Variants in CHRDL2 observed in about 807,000 individuals in gnomAD.
CHRDL2 encodes chordin like 2.
CHRDL2 carries 41 observed loss-of-function variants against 54.3 expected under a neutral mutation model. The observed-to-expected ratio is 0.76, with a 90% CI of 0.59 to 0.98. The LOEUF is 0.98. Among genes scored for constraint, CHRDL2 ranks in the 50% least tolerant of loss-of-function variants. The pLI is 0.00. For missense variants in CHRDL2, 518 were observed against 562.4 expected (o/e 0.92, Z 0.80); for synonymous variants, 220 against 224.3 (o/e 0.98, Z 0.17).
chr11:74,703,383 G>T lies in CHRDL2; in HGVS notation c.868C>A (p.Gln290Lys), dbSNP rs761821968. 3.7e-6 allele frequency: 6 copies of T among 1,613,664 alleles called. No individual in the cohort carries two copies. Among genetic ancestry groups the T allele is most frequent in the Non-Finnish European group, 5.1e-6 (6 of 1,179,932 alleles). The change falls in exon 8 of 11, where the codon CAG (glutamine) becomes AAG (lysine). Residue 290 changes from glutamine (Q) to lysine (K), a missense_variant. By Grantham distance (53) the Gln-to-Lys change is moderately conservative (BLOSUM62 1). Transcript: ENST00000376332. The stretch of plus-strand genomic sequence containing the variant: ...TACTCGGTGGGACAGGTCACACGCT[G>T]GCAGTCCTGGCGGCCATCCTCACAG... The part of the protein sequence containing the change: ...CTCEDGRQDC[Q>K]RVTCPTEYPC...
At chr11:74,705,276 G>C (rs1389153716) in intron 6 of CHRDL2, among the ~76,000 whole-genome samples, 1 of 152,206 alleles carries the variant, frequency 6.6e-6, no homozygotes, top group Non-Finnish European at 1.5e-5. Flanking sequence ...CAATAGGAGT[G>C]TGGCGAGGAC....
At chr11:74,700,622 TTTATTATTA>T (rs1554984202) in intron 9 of CHRDL2, among the ~76,000 whole-genome samples, 1 of 140,340 alleles carries the variant, frequency 7.1e-6, no homozygotes, top group East Asian at 2.0e-4. Flanking sequence ...GAATCTTTTT[TTTATTATTA>T]TTATTATTAT....
chr11:74,713,384 A>AC lies in CHRDL2; in HGVS notation c.289+1dup, dbSNP rs747596819. 1 of 1,613,058 alleles carries AC rather than the reference A, an allele frequency of 6.2e-7. No individual in the cohort carries two copies. Among genetic ancestry groups the AC allele is most frequent in the South Asian group, 1.1e-5 (1 of 91,018 alleles). Reference sequence around the variant, plus strand: ...ACGATGGGGAGGAGCATGGCTACTTACCCACACACTTGGGACAGCATTGCT... The same window carrying AC: ...ACGATGGGGAGGAGCATGGCTACTTACCCCACACACTTGGGACAGCATTGCT... On this transcript the variant is annotated splice_donor_variant, in intron 3 of 10. Coordinates refer to ENST00000376332, the MANE Select transcript of CHRDL2 (RefSeq NM_001278473.3). LOFTEE classifies it high-confidence loss of function.
intron 6 of CHRDL2, 34 bp downstream of exon 6, chr11:74,706,453 G>T: frequency 6.2e-7 from 1 of 1,604,902 alleles, no homozygotes; most frequent in Non-Finnish European, 8.5e-7. Context: ...CCAGCCCCCT[G>T]TCCCGCACCC....
At chr11:74,730,387 A>G (rs2034633241) in intron 1 of CHRDL2, among the ~76,000 whole-genome samples, 1 of 152,240 alleles carries the variant, frequency 6.6e-6, no homozygotes, top group Non-Finnish European at 1.5e-5. Flanking sequence ...CGAGGATCAA[A>G]AGAGAGAAAA....
chr11:74,700,106 T>C (rs1185386336), intron 9 of CHRDL2, among the ~76,000 whole-genome samples: 1 of 152,248 alleles, frequency 6.6e-6, no homozygotes, highest in African/African-American at 2.4e-5. Context: ...ATTTGAATCT[T>C]TGCTTTACTG....
chr11:74,711,061 G>A (rs1401330689), intron 3 of CHRDL2, 70 bp from the exon 4 acceptor site: 7 of 1,517,818 alleles, frequency 4.6e-6, no homozygotes, highest in Non-Finnish European at 6.3e-6. Context: ...AAATTAACAA[G>A]GCCACTTTTC....
At chr11:74,715,377 G>A (rs2034320335) in intron 2 of CHRDL2, among the ~76,000 whole-genome samples, 1 of 152,178 alleles carries the variant, frequency 6.6e-6, no homozygotes, top group Non-Finnish European at 1.5e-5. Flanking sequence ...GCCGAGGTGG[G>A]AGGATCACTT....
chr11:74,697,221 G>A lies in CHRDL2; in HGVS notation c.1197C>T (p.Leu399=), dbSNP rs753482010. The change falls in exon 10 of 11, where the codon CTC becomes CTT. Residue 399 remains leucine (L), a synonymous_variant. Transcript: ENST00000376332. ...AGCTCCTACCTTCGTGGGGGCCAGC[G>A]AGCAGTCGGAAGTGCTGTGCCTCTT... ...FQKEAQHFRL[L]AGPHEGHWNV... 1.4e-5 allele frequency: 23 copies of A among 1,613,604 alleles called. No homozygotes were observed. The highest frequency in any genetic ancestry group is 1.3e-4 in the Admixed American group (8 of 60,016).
chr11:74,708,379 CAGT>C lies in CHRDL2; in HGVS notation c.446_448del (p.Tyr149del). Reference sequence around the variant, plus strand: ...TGGTTCGGGGCAGGTTGTGAGGCCGCAGTAGATCTGGCCCTCCTGACAGATAGA... The same window carrying C: ...TGGTTCGGGGCAGGTTGTGAGGCCGCAGATCTGGCCCTCCTGACAGATAGA... On this transcript the variant is annotated inframe_deletion, in exon 5 of 11. Coordinates refer to ENST00000376332, the MANE Select transcript of CHRDL2 (RefSeq NM_001278473.3). The C allele has an allele frequency of 6.3e-7, 1 of 1,584,826 alleles. No individual in the cohort carries two copies. Among genetic ancestry groups the C allele is most frequent in the African/African-American group, 1.4e-5 (1 of 73,668 alleles).
intron 4 of CHRDL2, among the ~76,000 whole-genome samples, chr11:74,709,472 C>T (rs10899039): frequency 0.61 from 92,637 of 152,070 alleles, 29,546 homozygotes; most frequent in East Asian, 0.8. Context: ...TAGGGTCATT[C>T]GGGTACTGTC....
chr11:74,721,513 C>T (rs563409520), intron 1 of CHRDL2, among the ~76,000 whole-genome samples: 1 of 152,348 alleles, frequency 6.6e-6, no homozygotes, highest in Non-Finnish European at 1.5e-5. Context: ...GCCACAATCC[C>T]CACCCCACCA....
In CHRDL2 at chr11:74,730,943, C is replaced by G. The variant is rs893111104; in HGVS notation, c.-55G>C. ...GGAGCGGAGTCGGGAGGAAGGGAGACGAAAAGGACACGGAGGCACAGGGGC... is the reference window on the plus strand; with the variant it reads ...GGAGCGGAGTCGGGAGGAAGGGAGAGGAAAAGGACACGGAGGCACAGGGGC... On this transcript the variant is annotated 5_prime_UTR_variant, in exon 1 of 11. Coordinates refer to ENST00000376332, the MANE Select transcript of CHRDL2 (RefSeq NM_001278473.3). 2 of 1,456,530 alleles carry G rather than the reference C, an allele frequency of 1.4e-6. No homozygotes were observed. Among genetic ancestry groups the G allele is most frequent in the Non-Finnish European group, 1.9e-6 (2 of 1,062,654 alleles). 90.2% of individuals were successfully genotyped at this position (1,456,530 alleles called of 1,614,324 possible).
chr11:74,718,908 T>C (rs2135271423), intron 1 of CHRDL2, 76 bp from the exon 2 acceptor site: 1 of 913,338 alleles, frequency 1.1e-6, no homozygotes, highest in East Asian at 2.6e-5. Context: ...TCCTTCTTTC[T>C]AGCTCTAAAA....
chr11:74,718,944 A>C, intron 1 of CHRDL2, 112 bp from the exon 2 acceptor site: 1 of 666,704 alleles, frequency 1.5e-6, no homozygotes, highest in Middle Eastern at 2.5e-4. Context: ...CCACTCAGGC[A>C]AAAGAGAATC....
At chr11:74,700,622 T>TTTTTTATTA (rs1554984203) in intron 9 of CHRDL2, among the ~76,000 whole-genome samples, 2 of 140,340 alleles carry the variant, frequency 1.4e-5, no homozygotes, top group Non-Finnish European at 3.1e-5. Context: ...GAATCTTTTT[T>TTTTTTATTA]TTATTATTAT....
chr11:74,719,331 A>G (rs906664620), intron 1 of CHRDL2: 4 of 144,716 alleles, frequency 2.8e-5, no homozygotes, highest in African/African-American at 1.1e-4. Flanking sequence ...ACATCACCTC[A>G]CCCTTCCCTC....
intron 1 of CHRDL2, among the ~76,000 whole-genome samples, chr11:74,728,935 G>A (rs1299430696): frequency 6.6e-6 from 1 of 152,190 alleles, no homozygotes; most frequent in African/African-American, 2.4e-5. Context: ...TAGGGAAGAT[G>A]GAATACTGGC....
chr11:74,718,234 C>T (rs1432723179), intron 2 of CHRDL2, among the ~76,000 whole-genome samples: 1 of 152,056 alleles, frequency 6.6e-6, no homozygotes, highest in Non-Finnish European at 1.5e-5. Flanking sequence ...ATGTGGGATC[C>T]CAGAAGAAGA....
Sources: gnomAD v4.1 joint callset for allele counts (sites outside exome capture counted in the v4.1 genomes callset) on GRCh38, gnomAD v4.1.1 for gene constraint, MANE v1.5 for transcripts, NCBI Gene and HGNC (gene_info 2026-07-23, HGNC 2026-07-21) for gene names.